The following MEGF10 variants were observed in gnomAD, a reference collection of about 807,000 sequenced individuals.
MEGF10 encodes multiple epidermal growth factor-like domains protein 10.
Under a neutral mutation model 147.5 loss-of-function variants are expected in MEGF10, and 86 were observed. The ratio of observed to expected loss-of-function variants is 0.58; its 90% confidence interval spans 0.49 to 0.70. MEGF10 has a LOEUF of 0.70. Ranked by LOEUF, MEGF10 falls within the 30% of genes least tolerant of loss-of-function variation. The probability of loss-of-function intolerance (pLI) is 0.00; values close to 1 mark genes in which losing one functional copy is unlikely to be tolerated. For synonymous variants in MEGF10, 478 were observed against 525.5 expected, an observed-to-expected ratio of 0.91 and a Z score of 1.24; for missense variants, 1,329 against 1,487.3, an observed-to-expected ratio of 0.89 and a Z score of 1.75.
chr5:127,312,629 G>A (rs889353802), intron 1 of MEGF10, among the ~76,000 whole-genome samples: 1 of 152,158 alleles, frequency 6.6e-6, no homozygotes, highest in Non-Finnish European at 1.5e-5. Context: ...TTTTAGCCAG[G>A]ACAGTTATGT....
chr5:127,276,071 T>C, the MEGF10 span, among the ~76,000 whole-genome samples: 3 of 152,308 alleles, frequency 2.0e-5, no homozygotes, highest in Non-Finnish European at 4.4e-5. Flanking sequence ...AATTCCCTTG[T>C]TTACCATATT....
At chr5:127,242,691 G>C in the MEGF10 span, among the ~76,000 whole-genome samples, 1 of 151,848 alleles carries the variant, frequency 6.6e-6, no homozygotes, top group Non-Finnish European at 1.5e-5. Flanking sequence ...TTGTTTATTA[G>C]GTAAACTGCA....
At position 127,324,574 on chromosome 5, in the gene MEGF10, C is replaced by T. The variant is rs191950722; in HGVS notation, c.-18-6717C>T. On this transcript the variant is annotated intron_variant, in intron 1 of 24. Coordinates refer to ENST00000503335, the MANE Select transcript of MEGF10 (RefSeq NM_001256545.2). ...TCCTAGGCTACCACCCTAGGAAGGT[C>T]GTTCCACTTCACACGTGAGTGCAGT... 3.3e-5 allele frequency among the ~76,000 whole-genome samples: 5 copies of T among 152,234 alleles called. No homozygotes were observed. In the East Asian group the frequency reaches 9.7e-4, roughly 29 times the overall value.
At chr5:127,258,580 G>T in the MEGF10 span, among the ~76,000 whole-genome samples, 3 of 152,116 alleles carry the variant, frequency 2.0e-5, no homozygotes, top group African/African-American at 7.2e-5. Flanking sequence ...TAGTGCTAAG[G>T]TTTGTTTGTT....
Position 127,340,267 on chromosome 5 carries a change from T to C in MEGF10, c.219-263T>C, listed in dbSNP as rs546868015. The stretch of plus-strand genomic sequence containing the variant: ...TAAAACATACGTAAGTGAATGATGC[T>C]TTGATGGGTATCATATATGAATTAA... On this transcript the variant is annotated intron_variant, in intron 3 of 24. Transcript: ENST00000503335. Among the ~76,000 whole-genome samples, 13 of 152,322 alleles carry C rather than the reference T, an allele frequency of 8.5e-5. No homozygotes were observed. The East Asian group carries it at 2.3e-3, about 27-fold the overall frequency.
intron 1 of MEGF10, among the ~76,000 whole-genome samples, chr5:127,302,460 A>G (rs946784538): frequency 6.6e-6 from 1 of 152,178 alleles, no homozygotes; most frequent in Non-Finnish European, 1.5e-5. Flanking sequence ...AGTGATTTCC[A>G]GGGTCTGGGG....
chr5:127,422,752 G>A lies in MEGF10; in HGVS notation c.1673G>A (p.Arg558His), dbSNP rs182243856. 165 of 1,613,874 alleles carry A rather than the reference G, an allele frequency of 1.0e-4. No homozygotes were observed. Among genetic ancestry groups the A allele is most frequent in the Non-Finnish European group, 1.3e-4 (156 of 1,179,896 alleles). The change falls in exon 13 of 25, where the codon CGC becomes CAC. Residue 558 changes from arginine to histidine, a missense_variant. Transcript: ENST00000503335. Reference sequence around the variant, plus strand: ...TGCCACCCTACCACGGGCCATTGCCGCTGCCTCCCCGGATGGTCAGGTGAG... The same window carrying A: ...TGCCACCCTACCACGGGCCATTGCCACTGCCTCCCCGGATGGTCAGGTGAG... ...DGCHPTTGHCRCLPGWSGVHC... is the reference protein window; with the variant it reads ...DGCHPTTGHCHCLPGWSGVHC...
rs138907116 is a variant in MEGF10 at position 127,297,608 on chromosome 5, A to G, written c.-19+6552A>G. On this transcript the variant is annotated intron_variant, in intron 1 of 24. Transcript: ENST00000503335. ...AGGTGGGGGAATGGGCTCAGCAAAC[A>G]TGTGGTGGCAGGAATTTACAAAGCA... 5.9e-5 allele frequency among the ~76,000 whole-genome samples: 9 copies of G among 152,180 alleles called. No individual in the cohort carries two copies. The East Asian group carries it at 1.5e-3, about 26-fold the overall frequency.
the MEGF10 span, among the ~76,000 whole-genome samples, chr5:127,260,887 C>T: frequency 1.3e-5 from 2 of 152,114 alleles, no homozygotes; most frequent in Admixed American, 6.5e-5. Flanking sequence ...ACCACAACTG[C>T]GCAATCCCTC....
At chr5:127,347,555 A>G (rs760687368) in intron 4 of MEGF10, among the ~76,000 whole-genome samples, 3 of 152,126 alleles carry the variant, frequency 2.0e-5, no homozygotes, top group Non-Finnish European at 4.4e-5. Context: ...AGCAAGAAGT[A>G]TGATTAGTTT....
Position 127,391,097 on chromosome 5 carries a change from C to T in MEGF10, c.413-5435C>T, listed in dbSNP as rs1407128230. Among the ~76,000 whole-genome samples the T allele has an allele frequency of 1.3e-3, 47 of 35,480 alleles. 1 individual carries two copies. Among genetic ancestry groups the T allele is most frequent in the African/African-American group, 2.5e-3 (41 of 16,664 alleles). 23.3% of individuals were successfully genotyped at this position (35,480 alleles called of 152,430 possible). A position where few individuals can be genotyped will look rare whatever the true frequency, so the allele number is the denominator to read the frequency against. ...ACATACATACACACATGCGCGCGCGCGCGCGCACACACACACACACACACA... is the reference window on the plus strand; with the variant it reads ...ACATACATACACACATGCGCGCGCGTGCGCGCACACACACACACACACACA... On this transcript the variant is annotated intron_variant, in intron 5 of 24. Coordinates refer to ENST00000503335, the MANE Select transcript of MEGF10 (RefSeq NM_001256545.2).
chr5:127,366,587 C>T (rs1346437581), intron 4 of MEGF10, among the ~76,000 whole-genome samples: 1 of 152,210 alleles, frequency 6.6e-6, no homozygotes, highest in East Asian at 1.9e-4. Context: ...AATTAACTTA[C>T]AGGCAAATTT....
chr5:127,376,109 A>G (rs532857946), intron 5 of MEGF10, among the ~76,000 whole-genome samples: 1 of 152,322 alleles, frequency 6.6e-6, no homozygotes, highest in African/African-American at 2.4e-5. Flanking sequence ...ACAAGGGCTA[A>G]GAGTGTACAG....
intron 5 of MEGF10, among the ~76,000 whole-genome samples, chr5:127,388,607 G>A (rs1002904731): frequency 1.7e-4 from 26 of 150,742 alleles, no homozygotes; most frequent in African/African-American, 5.4e-4. Flanking sequence ...GTGCAGTGGC[G>A]CGATCTCAGC....
intron 4 of MEGF10, among the ~76,000 whole-genome samples, chr5:127,353,569 A>G (rs900426079): frequency 1.3e-5 from 2 of 152,230 alleles, no homozygotes; most frequent in African/African-American, 4.8e-5. Context: ...AATCATTGTA[A>G]GCAGCGCTGC....
intron 5 of MEGF10, among the ~76,000 whole-genome samples, chr5:127,388,517 T>TTTTATTTATTTA (rs368047649): frequency 8.5e-5 from 12 of 141,970 alleles, no homozygotes; most frequent in African/African-American, 2.3e-4. Flanking sequence ...TCTTTTTTCT[T>TTTTATTTATTTA]TTTATTTATT....
intron 1 of MEGF10, among the ~76,000 whole-genome samples, chr5:127,309,990 T>TTTCTTTCC (rs1418847593): frequency 3.0e-5 from 2 of 66,668 alleles, no homozygotes; most frequent in Non-Finnish European, 7.0e-5. Flanking sequence ...TCTTTCTTTC[T>TTTCTTTCC]TTCTTTCCTT....
At chr5:127,374,815 T>C (rs573465033) in intron 5 of MEGF10, among the ~76,000 whole-genome samples, 5 of 152,274 alleles carry the variant, frequency 3.3e-5, no homozygotes, top group African/African-American at 1.2e-4. Context: ...AAAATGTCTT[T>C]CATGTAATTG....
At chr5:127,245,062 A>T in the MEGF10 span, among the ~76,000 whole-genome samples, 4 of 152,234 alleles carry the variant, frequency 2.6e-5, no homozygotes, top group Admixed American at 6.5e-5. Flanking sequence ...TGCTATCCCC[A>T]TGAAGCTACC....
Sources: allele counts gnomAD v4.1 joint callset (sites outside exome capture counted in the v4.1 genomes callset), GRCh38; gene constraint gnomAD v4.1.1; transcripts MANE v1.5; gene names NCBI Gene and HGNC (gene_info 2026-07-23, HGNC 2026-07-21).